Variants in DGKD observed in about 807,000 individuals in gnomAD.
DGKD encodes the protein diacylglycerol kinase delta.
Under a neutral mutation model 154.4 loss-of-function variants are expected in DGKD, and 68 were observed. That is an observed-to-expected ratio of 0.44 (90% CI 0.36 to 0.54). The LOEUF (loss-of-function observed/expected upper bound fraction) is 0.54, where lower values mean the gene tolerates loss of function less well. DGKD is among the 20% of genes least tolerant of loss of function. DGKD has a pLI of 0.00. For missense variants in DGKD, 1,343 were observed against 1,593.6 expected, an observed-to-expected ratio of 0.84 and a Z score of 2.68; for synonymous variants, 693 against 638.0, an observed-to-expected ratio of 1.09 and a Z score of -1.30.
chr2:233,379,232 G>A (rs1559483636), intron 1 of DGKD, among the ~76,000 whole-genome samples: 2 of 152,156 alleles, frequency 1.3e-5, no homozygotes, highest in Non-Finnish European at 2.9e-5. Flanking sequence ...TCCCGAAGGT[G>A]GTGGTATTTG....
intron 3 of DGKD, among the ~76,000 whole-genome samples, chr2:233,419,726 T>C (rs915114104): frequency 2.6e-5 from 4 of 152,096 alleles, no homozygotes; most frequent in African/African-American, 9.7e-5. Flanking sequence ...ACGGGAAAAT[T>C]TCCCTCCAGT....
chr2:233,403,440 A>C (rs1031795644), intron 3 of DGKD, among the ~76,000 whole-genome samples: 7 of 151,690 alleles, frequency 4.6e-5, no homozygotes, highest in Non-Finnish European at 8.8e-5. Context: ...GGCGCCTGTA[A>C]TCCCAGCTAC....
chr2:233,357,257 C>T (rs1204534867), intron 1 of DGKD, among the ~76,000 whole-genome samples: 3 of 152,184 alleles, frequency 2.0e-5, no homozygotes, highest in South Asian at 2.1e-4. Flanking sequence ...TCACCTCCTC[C>T]ACAACTTGGA....
At chr2:233,361,247 G>C (rs951557167) in intron 1 of DGKD, among the ~76,000 whole-genome samples, 1 of 152,212 alleles carries the variant, frequency 6.6e-6, no homozygotes, top group Non-Finnish European at 1.5e-5. Flanking sequence ...GCAGGAGCCA[G>C]AAGTATTGGA....
At position 233,386,171 on chromosome 2, in the gene DGKD, T is replaced by C. The variant is rs575205415; in HGVS notation, c.157-2086T>C. The stretch of plus-strand genomic sequence containing the variant: ...TTGTTGGTTTTGTCTTTTTTTTTTT[T>C]CCCATTTAGGGAAGAGATGGAAGTG... On this transcript the variant is annotated intron_variant, in intron 1 of 29. Transcript: ENST00000264057. 4.1e-4 allele frequency: 129 copies of C among 317,958 alleles called. 1 individual carries two copies. The highest frequency in any genetic ancestry group is 1.7e-3 in the East Asian group (20 of 11,708). The allele number at this position is 317,958 out of a possible 1,614,324, so 19.7% of individuals were successfully genotyped here. A position where few individuals can be genotyped will look rare whatever the true frequency, so the allele number is the denominator to read the frequency against.
intron 1 of DGKD, among the ~76,000 whole-genome samples, chr2:233,369,717 C>T (rs767291500): frequency 4.6e-5 from 7 of 152,194 alleles, no homozygotes; most frequent in Non-Finnish European, 7.3e-5. Context: ...TGATCGGCCA[C>T]GGGCCCAGGC....
chr2:233,379,498 T>G (rs1702772107), intron 1 of DGKD, among the ~76,000 whole-genome samples: 2 of 152,292 alleles, frequency 1.3e-5, no homozygotes, highest in East Asian at 3.9e-4. Flanking sequence ...ACTGTATGCT[T>G]CTTCCAGTCA....
At chr2:233,420,848 C>T (rs187750309) in intron 3 of DGKD, among the ~76,000 whole-genome samples, 121 of 152,264 alleles carry the variant, frequency 7.9e-4, no homozygotes, top group African/African-American at 2.6e-3. Flanking sequence ...CTGTTGTGGA[C>T]GTACACTTTC....
chr2:233,368,470 C>A lies in DGKD; in HGVS notation c.156+13796C>A, dbSNP rs937669562. On this transcript the variant is annotated intron_variant, in intron 1 of 29. Coordinates refer to ENST00000264057, the MANE Select transcript of DGKD (RefSeq NM_152879.3). The stretch of plus-strand genomic sequence containing the variant: ...GAGGTTGCAGTGAGCCAAGATCACA[C>A]CACTGCACTCCAGGCTGGGCGACAG... Among the ~76,000 whole-genome samples the A allele has an allele frequency of 2.6e-5, 4 of 152,246 alleles. No homozygotes were observed. In the East Asian group the frequency reaches 7.7e-4, roughly 29 times the overall value.
intron 1 of DGKD, among the ~76,000 whole-genome samples, chr2:233,377,078 C>CTTTTTTTT (rs755610624): frequency 7.7e-6 from 1 of 129,314 alleles, no homozygotes; most frequent in African/African-American, 3.0e-5. Flanking sequence ...TAGCATGTTC[C>CTTTTTTTT]TTTTTTTTTT....
chr2:233,417,979 G>T (rs2062000544), intron 3 of DGKD, among the ~76,000 whole-genome samples: 1 of 152,158 alleles, frequency 6.6e-6, no homozygotes, highest in African/African-American at 2.4e-5. Flanking sequence ...TAGTGCTGAG[G>T]TTGAGAAACC....
chr2:233,433,310 C>G (rs2062589512), intron 3 of DGKD, among the ~76,000 whole-genome samples: 1 of 151,834 alleles, frequency 6.6e-6, no homozygotes, highest in Non-Finnish European at 1.5e-5. Flanking sequence ...ACAGGAGGAC[C>G]CTTAATGTTA....
intron 26 of DGKD, 30 bp from the exon 27 acceptor site, chr2:233,464,134 T>C (rs772306196): frequency 1.1e-5 from 18 of 1,612,842 alleles, no homozygotes; most frequent in Non-Finnish European, 1.5e-5. Context: ...ACACTCTCCA[T>C]TTCTCTCTCC....
chr2:233,372,735 T>C (rs770801228), intron 1 of DGKD, among the ~76,000 whole-genome samples: 12 of 152,194 alleles, frequency 7.9e-5, no homozygotes, highest in Non-Finnish European at 1.6e-4. Context: ...AGAAACTCCT[T>C]GGTAGTTAAC....
At chr2:233,461,233 TG>T (rs984567515) in intron 24 of DGKD, among the ~76,000 whole-genome samples, 6 of 152,186 alleles carry the variant, frequency 3.9e-5, no homozygotes, top group Non-Finnish European at 7.4e-5. Flanking sequence ...TCTCCCCCCG[TG>T]GCCGCACGCT....
At chr2:233,451,553 A>G (rs1460733166) in intron 17 of DGKD, among the ~76,000 whole-genome samples, 7 of 151,824 alleles carry the variant, frequency 4.6e-5, no homozygotes, top group Non-Finnish European at 8.8e-5. Context: ...GAGAACATGA[A>G]AACTGACTCT....
At chr2:233,463,392 A>ACATCTCACTCCACG (rs2063719163) in intron 26 of DGKD, among the ~76,000 whole-genome samples, 8 of 69,970 alleles carry the variant, frequency 1.1e-4, no homozygotes, top group African/African-American at 2.5e-4. Context: ...CTCACTCCAC[A>ACATCTCACTCCACG]CATCTCCTCA....
chr2:233,450,146 A>G lies in DGKD; in HGVS notation c.2038+15A>G, dbSNP rs374155550. On this transcript the variant is annotated intron_variant, in intron 16 of 29. Coordinates refer to ENST00000264057, the MANE Select transcript of DGKD (RefSeq NM_152879.3). ...CCAGCGCAAAGGTACTTGTGCCTCC[A>G]CCTCCCTCTGCGCACCGTCGTGTGC... The G allele has an allele frequency of 4.6e-5, 73 of 1,597,744 alleles. No homozygotes were observed. Among genetic ancestry groups the G allele is most frequent in the Admixed American group, 1.7e-4 (10 of 58,158 alleles).
chr2:233,369,124 A>G (rs1050057174), intron 1 of DGKD, among the ~76,000 whole-genome samples: 2 of 152,070 alleles, frequency 1.3e-5, no homozygotes, highest in African/African-American at 4.8e-5. Context: ...TGCCTCTCAT[A>G]TTGCATCTCC....
Sources: allele counts gnomAD v4.1 joint callset (sites outside exome capture counted in the v4.1 genomes callset), GRCh38; gene constraint gnomAD v4.1.1; transcripts MANE v1.5; gene names NCBI Gene and HGNC (gene_info 2026-07-23, HGNC 2026-07-21).